OSBPL1A: variants seen among roughly 807,000 people sequenced by gnomAD.
OSBPL1A encodes oxysterol-binding protein-related protein 1.
OSBPL1A carries 80 observed loss-of-function variants against 137.1 expected under a neutral mutation model. That is an observed-to-expected ratio of 0.58 (90% CI 0.49 to 0.70). The LOEUF (loss-of-function observed/expected upper bound fraction) is 0.70. Ranked by LOEUF, OSBPL1A falls within the 30% of genes least tolerant of loss-of-function variation. The pLI, the probability that OSBPL1A is intolerant of heterozygous loss-of-function variation, is 0.00. For synonymous variants in OSBPL1A, 365 were observed against 389.7 expected, an observed-to-expected ratio of 0.94 and a Z score of 0.75; for missense variants, 970 against 1,129.4, an observed-to-expected ratio of 0.86 and a Z score of 2.02.
At chr18:24,182,300 G>C (rs1039894499) in intron 18 of OSBPL1A, among the ~76,000 whole-genome samples, 3 of 152,180 alleles carry the variant, frequency 2.0e-5, no homozygotes, top group African/African-American at 7.2e-5. Flanking sequence ...TTTACCATGT[G>C]CCACCAGCAA....
chr18:24,355,823 A>G (rs994103096), intron 4 of OSBPL1A, among the ~76,000 whole-genome samples: 1 of 151,958 alleles, frequency 6.6e-6, no homozygotes, highest in South Asian at 2.1e-4. Context: ...TGACTCTACT[A>G]AAAATACAAA....
rs771391252 is a variant in OSBPL1A at position 24,334,307 on chromosome 18, T to G, written c.418A>C (p.Lys140Gln). The G allele has an allele frequency of 6.2e-7, 1 of 1,612,070 alleles. No homozygotes were observed. The highest frequency in any genetic ancestry group is 8.5e-7 in the Non-Finnish European group (1 of 1,179,348). The change falls in exon 6 of 28, where the codon AAG (lysine) becomes CAG (glutamine). Residue 140 changes from lysine to glutamine, a missense_variant. Lys to Gln is a moderately conservative substitution (Grantham distance 53). Around this residue, in one of 2 missense-constraint regions of OSBPL1A, gnomAD observed 647 missense variants for 672.6 expected, o/e 0.96. Transcript: ENST00000319481. Reference sequence around the variant, plus strand: ...GCTGCTAAAAGTAATTCTTCAAGCTTTCTTTGTTGAGTCCTTTCTACAGCT... The same window carrying G: ...GCTGCTAAAAGTAATTCTTCAAGCTGTCTTTGTTGAGTCCTTTCTACAGCT... ...LEAVERTQQR[K>Q]LEELLLAAAR...
At chr18:24,218,266 AGATAC>A (rs1218665373) in intron 17 of OSBPL1A, 1 of 152,212 alleles carries the variant, frequency 6.6e-6, no homozygotes, top group East Asian at 1.9e-4. Flanking sequence ...ACTGTTTTAG[AGATAC>A]ATACTGAGTT....
chr18:24,251,268 G>C (rs1297532429), intron 15 of OSBPL1A, among the ~76,000 whole-genome samples: 1 of 152,196 alleles, frequency 6.6e-6, no homozygotes, highest in Non-Finnish European at 1.5e-5. Flanking sequence ...GTGACCATAA[G>C]TGGTAGACAG....
At chr18:24,340,915 T>C (rs1312298584) in intron 5 of OSBPL1A, among the ~76,000 whole-genome samples, 3 of 152,224 alleles carry the variant, frequency 2.0e-5, no homozygotes, top group Non-Finnish European at 4.4e-5. Context: ...CATCAGTCTA[T>C]TAGCCACATT....
intron 14 of OSBPL1A, among the ~76,000 whole-genome samples, chr18:24,295,551 A>C (rs1282374104): frequency 1.3e-5 from 2 of 152,190 alleles, no homozygotes; most frequent in East Asian, 3.8e-4. Flanking sequence ...CTTAGAATTA[A>C]GTCTTTGATC....
In OSBPL1A at chr18:24,318,826, G is replaced by GA. The variant is rs569386900; in HGVS notation, c.626-18dup. 1,148 of 1,605,908 alleles carry GA rather than the reference G, an allele frequency of 7.1e-4. 15 individuals are homozygous for GA. Among genetic ancestry groups the GA allele is most frequent in the South Asian group, 6.4e-3 (575 of 89,262 alleles). ...GTTTCTGATCTGTGCAAAATACAAAGAAAAAAAGCCATCAACAGCTTAAAT... is the reference window on the plus strand; with the variant it reads ...GTTTCTGATCTGTGCAAAATACAAAGAAAAAAAAGCCATCAACAGCTTAAAT... On this transcript the variant is annotated splice_polypyrimidine_tract_variant and intron_variant, in intron 7 of 27. Coordinates refer to ENST00000319481, the MANE Select transcript of OSBPL1A (RefSeq NM_080597.4).
intron 14 of OSBPL1A, among the ~76,000 whole-genome samples, chr18:24,293,876 T>C (rs2090239152): frequency 6.6e-6 from 1 of 151,868 alleles, no homozygotes; most frequent in African/African-American, 2.4e-5. Flanking sequence ...GCAGAAGCTG[T>C]AGGGGGAAGG....
intron 15 of OSBPL1A, among the ~76,000 whole-genome samples, chr18:24,255,874 C>T (rs1440836060): frequency 6.6e-6 from 1 of 151,726 alleles, no homozygotes; most frequent in Non-Finnish European, 1.5e-5. Context: ...GATTCCCCAA[C>T]TCCCCAAGTA....
At chr18:24,171,971 T>C in intron 22 of OSBPL1A, among the ~76,000 whole-genome samples, 1 of 151,626 alleles carries the variant, frequency 6.6e-6, no homozygotes, top group Admixed American at 6.6e-5. Context: ...GATGGAGTCT[T>C]GCTCTGTCAT....
intron 1 of OSBPL1A, among the ~76,000 whole-genome samples, chr18:24,395,036 C>T (rs1416453200): frequency 6.6e-6 from 1 of 152,210 alleles, no homozygotes; most frequent in Non-Finnish European, 1.5e-5. Flanking sequence ...ACATAAGATA[C>T]TTATATGACA....
intron 25 of OSBPL1A, 91 bp from the exon 26 acceptor site, chr18:24,166,793 T>C: frequency 8.5e-6 from 11 of 1,291,846 alleles, no homozygotes; most frequent in Non-Finnish European, 8.5e-6. Flanking sequence ...GACTTGACAA[T>C]GACCCCCTCC....
At chr18:24,260,239 T>C (rs372009940) in intron 15 of OSBPL1A, among the ~76,000 whole-genome samples, 1 of 152,294 alleles carries the variant, frequency 6.6e-6, no homozygotes, top group East Asian at 1.9e-4. Context: ...CGTCAGCCAC[T>C]GCGGAAAACA....
chr18:24,284,121 T>C (rs899335574), intron 14 of OSBPL1A, among the ~76,000 whole-genome samples: 2 of 152,120 alleles, frequency 1.3e-5, no homozygotes, highest in East Asian at 3.9e-4. Context: ...AGTTTAAGAA[T>C]TGCCGAACCT....
Position 24,368,280 on chromosome 18 carries a change from A to G in OSBPL1A, c.207+7T>C, listed in dbSNP as rs887015879. On this transcript the variant is annotated splice_region_variant and intron_variant, in intron 3 of 27. Transcript: ENST00000319481. ...GTAGTCATTAAAAATTAAAGTCATA[A>G]ATAGACCTTCAACAGATCCTGGACC... The G allele has an allele frequency of 6.2e-7, 1 of 1,600,756 alleles. No individual in the cohort carries two copies. Among genetic ancestry groups the G allele is most frequent in the Non-Finnish European group, 8.6e-7 (1 of 1,169,256 alleles).
chr18:24,190,973 A>G (rs999185635), intron 18 of OSBPL1A, among the ~76,000 whole-genome samples: 2 of 152,268 alleles, frequency 1.3e-5, no homozygotes, highest in African/African-American at 4.8e-5. Flanking sequence ...CTTAAGATTC[A>G]TGGTGAGATA....
At chr18:24,314,771 G>A (rs1439631387) in intron 11 of OSBPL1A, among the ~76,000 whole-genome samples, 2 of 152,164 alleles carry the variant, frequency 1.3e-5, no homozygotes, top group East Asian at 3.8e-4. Context: ...AAGGGAAAGA[G>A]AGTAAGACGG....
chr18:24,309,417 C>G (rs977031959), intron 13 of OSBPL1A, among the ~76,000 whole-genome samples: 18 of 152,294 alleles, frequency 1.2e-4, no homozygotes, highest in Admixed American at 7.2e-4. Flanking sequence ...CCCTTGGGCA[C>G]AAGTGATCCT....
At chr18:24,220,252 T>C (rs138030122) in intron 17 of OSBPL1A, among the ~76,000 whole-genome samples, 1 of 152,306 alleles carries the variant, frequency 6.6e-6, no homozygotes, top group Non-Finnish European at 1.5e-5. Context: ...ATACCAAGCA[T>C]CTTCTTCCTT....
Sources: allele counts gnomAD v4.1 joint callset (sites outside exome capture counted in the v4.1 genomes callset), GRCh38; gene constraint gnomAD v4.1.1; regional missense constraint gnomAD v4.1.1; transcripts MANE v1.5; gene names NCBI Gene and HGNC (gene_info 2026-07-23, HGNC 2026-07-21).